The following PHKA1 variants were observed in gnomAD, a reference collection of about 807,000 sequenced individuals.
PHKA1 encodes the protein phosphorylase b kinase regulatory subunit alpha, skeletal muscle isoform.
A neutral mutation model predicts 110.2 loss-of-function variants in PHKA1; 60 were observed. The observed-to-expected ratio is 0.54, with a 90% CI of 0.44 to 0.68. The LOEUF (loss-of-function observed/expected upper bound fraction) is 0.68, where lower values mean the gene tolerates loss of function less well. Among genes scored for constraint, PHKA1 ranks in the 30% least tolerant of loss-of-function variants. The pLI is 0.00. For missense variants in PHKA1, 801 were observed against 942.5 expected (o/e 0.85, Z 1.97); for synonymous variants, 316 against 333.6 (o/e 0.95, Z 0.58).
At chrX:72,629,142 G>C (rs2053129735) in intron 16 of PHKA1, among the ~76,000 whole-genome samples, 1 of 111,061 alleles carries the variant, frequency 9.0e-6, no homozygotes, top group Non-Finnish European at 1.9e-5. Context: ...GGTTCAGCTT[G>C]TTCATAAAAA....
At chrX:72,597,414 T>C (rs1178426648) in intron 28 of PHKA1, among the ~76,000 whole-genome samples, 1 of 111,886 alleles carries the variant, frequency 8.9e-6, no homozygotes, top group Non-Finnish European at 1.9e-5. Context: ...GGTTCCTTGG[T>C]TGGCAATGAC....
At chrX:72,706,893 A>G (rs1297024590) in intron 2 of PHKA1, among the ~76,000 whole-genome samples, 1 of 111,555 alleles carries the variant, frequency 9.0e-6, no homozygotes, top group Non-Finnish European at 1.9e-5. Flanking sequence ...AGCCATTTCT[A>G]TCCTCAAGTT....
chrX:72,705,398 G>A (rs1442703328), intron 2 of PHKA1, among the ~76,000 whole-genome samples, 153 bp from the exon 3 acceptor site: 1 of 112,209 alleles, frequency 8.9e-6, no homozygotes, highest in Admixed American at 9.5e-5. Context: ...GTACACAGAA[G>A]AGCAGATTAC....
chrX:72,589,306 A>G (rs2052481356), intron 29 of PHKA1, among the ~76,000 whole-genome samples: 1 of 111,961 alleles, frequency 8.9e-6, no homozygotes, highest in Non-Finnish European at 1.9e-5. Context: ...CCATCACATA[A>G]ACAGAACCAT....
At chrX:72,697,825 A>G (rs1486959736) in intron 3 of PHKA1, among the ~76,000 whole-genome samples, 1 of 109,122 alleles carries the variant, frequency 9.2e-6, no homozygotes, top group Non-Finnish European at 1.9e-5. Context: ...TCTACTAAAA[A>G]TACAAAAACT....
At chrX:72,600,486 A>G (rs918830255) in intron 28 of PHKA1, among the ~76,000 whole-genome samples, 6 of 112,387 alleles carry the variant, frequency 5.3e-5, no homozygotes, top group East Asian at 5.6e-4. Context: ...TACTGAATGT[A>G]GTTCTTTCAC....
In PHKA1 at chrX:72,617,932, C is replaced by CA. The variant is rs782005794; in HGVS notation, c.2369+777dup. On this transcript the variant is annotated intron_variant, in intron 21 of 31. Transcript: ENST00000373542. Reference sequence around the variant, plus strand: ...ATACCAAAACCAAACAAGGACACAACAAAAAAAGAAAACTAGAAGCCAGTG... The same window carrying CA: ...ATACCAAAACCAAACAAGGACACAACAAAAAAAAGAAAACTAGAAGCCAGTG... Among the ~76,000 whole-genome samples the CA allele has an allele frequency of 3.6e-5, 4 of 110,575 alleles. No individual in the cohort carries two copies. In the South Asian group the frequency reaches 1.5e-3, roughly 43 times the overall value.
intron 5 of PHKA1, among the ~76,000 whole-genome samples, chrX:72,681,210 G>A (rs1556314800): frequency 4.0e-5 from 4 of 100,846 alleles, no homozygotes; most frequent in Non-Finnish European, 4.1e-5. Context: ...GCCTCTGCCC[G>A]GCCAAGACCC....
chrX:72,670,887 G>C (rs868952324), intron 6 of PHKA1, among the ~76,000 whole-genome samples: 31 of 111,509 alleles, frequency 2.8e-4, no homozygotes, highest in Non-Finnish European at 4.5e-4. Context: ...ATTCAACAAC[G>C]CTTCATGCTA....
At chrX:72,687,864 T>C (rs1240848768) in intron 4 of PHKA1, among the ~76,000 whole-genome samples, 3 of 107,693 alleles carry the variant, frequency 2.8e-5, no homozygotes, top group Non-Finnish European at 5.8e-5. Context: ...TCTCGCTCTG[T>C]TGCCCAGGCT....
chrX:72,669,821 A>C (rs1556308113), intron 6 of PHKA1, among the ~76,000 whole-genome samples: 1 of 110,548 alleles, frequency 9.0e-6, no homozygotes, highest in Non-Finnish European at 1.9e-5. Flanking sequence ...TGCTATTGTG[A>C]ATAGTGCGGC....
intron 21 of PHKA1, 72 bp from the exon 22 acceptor site, chrX:72,611,256 A>T: frequency 1.2e-6 from 1 of 834,052 alleles, no homozygotes; most frequent in African/African-American, 2.0e-5. Flanking sequence ...TTTCAGTGTT[A>T]TAATGAACAT....
intron 28 of PHKA1, 129 bp from the exon 29 acceptor site, chrX:72,593,403 G>A (rs782754076): frequency 4.1e-4 from 202 of 491,173 alleles, no homozygotes; most frequent in Middle Eastern, 9.7e-4. Context: ...GTGGCGTGGC[G>A]CAATCTCGGC....
Position 72,682,934 on chromosome X carries a change from T to TAAA in PHKA1, c.537+1561_537+1563dup, listed in dbSNP as rs1164416043. 6.3e-4 allele frequency among the ~76,000 whole-genome samples: 40 copies of TAAA among 63,816 alleles called. No homozygotes were observed. In the East Asian group the frequency reaches 0.019, roughly 31 times the overall value. The allele number at this position is 63,816 out of a possible 115,157, so 55.4% of individuals were successfully genotyped here. On this transcript the variant is annotated intron_variant, in intron 5 of 31. Transcript: ENST00000373542. ...AAGAATTATCAATAAAAAAATAAATTAAAAAAAAAAAAAAAAAAAAAAAAG... is the reference window on the plus strand; with the variant it reads ...AAGAATTATCAATAAAAAAATAAATTAAAAAAAAAAAAAAAAAAAAAAAAAAAG...
At chrX:72,655,916 G>A (rs781832890) in intron 10 of PHKA1, among the ~76,000 whole-genome samples, 21 of 112,126 alleles carry the variant, frequency 1.9e-4, no homozygotes, top group Non-Finnish European at 3.0e-4. Context: ...CACCACACGC[G>A]GCCGAAACCA....
At chrX:72,582,263 G>A (rs111836287) in intron 31 of PHKA1, 135 bp downstream of exon 31, 7 of 477,382 alleles carry the variant, frequency 1.5e-5, no homozygotes, top group Middle Eastern at 5.6e-4. Flanking sequence ...GCTCAGAGCC[G>A]CTACAAAGGG....
chrX:72,636,651 AAT>A (rs1410422547), intron 14 of PHKA1, among the ~76,000 whole-genome samples: 1 of 112,060 alleles, frequency 8.9e-6, no homozygotes, highest in Non-Finnish European at 1.9e-5. Flanking sequence ...TTATAAAATC[AAT>A]ACCTCTTACG....
At chrX:72,649,760 G>A (rs781883779) in intron 13 of PHKA1, among the ~76,000 whole-genome samples, 96 of 110,989 alleles carry the variant, frequency 8.6e-4, no homozygotes, top group South Asian at 7.8e-3. Flanking sequence ...TTGGGAGGCC[G>A]AGACAGGCAG....
chrX:72,643,039 T>C (rs1243276037), intron 14 of PHKA1, among the ~76,000 whole-genome samples: 1 of 110,937 alleles, frequency 9.0e-6, no homozygotes. Context: ...TGGCATTAAA[T>C]ATATGTTCCT....
Sources: gnomAD v4.1 joint callset for allele counts (sites outside exome capture counted in the v4.1 genomes callset) on GRCh38, gnomAD v4.1.1 for gene constraint, MANE v1.5 for transcripts, NCBI Gene and HGNC (gene_info 2026-07-23, HGNC 2026-07-21) for gene names.